CDH13: variants seen among roughly 807,000 people sequenced by gnomAD.
CDH13 encodes cadherin-13.
In CDH13, 24 loss-of-function variants were observed where a neutral mutation model predicts 63.8. The ratio of observed to expected loss-of-function variants is 0.38; its 90% CI spans 0.27 to 0.53. CDH13 has a LOEUF of 0.53. Among genes scored for constraint, CDH13 ranks in the 20% least tolerant of loss-of-function variants. The pLI, the probability that CDH13 is intolerant of heterozygous loss-of-function variation, is 0.85. For synonymous variants in CDH13, 503 were observed against 355.3 expected (o/e 1.42, Z -4.67); for missense variants, 1,049 against 903.1 (o/e 1.16, Z -2.07).
At chr16:82,736,640 C>T (rs952340511) in intron 1 of CDH13, among the ~76,000 whole-genome samples, 2 of 152,160 alleles carry the variant, frequency 1.3e-5, no homozygotes, top group Non-Finnish European at 2.9e-5. Context: ...TAGCTTAAAT[C>T]TGTTCAAGTC....
At chr16:82,833,940 G>A (rs998355176) in intron 1 of CDH13, among the ~76,000 whole-genome samples, 13 of 152,108 alleles carry the variant, frequency 8.5e-5, no homozygotes, top group African/African-American at 2.7e-4. Flanking sequence ...CCCCTTTCTC[G>A]AGAAATGTAT....
chr16:83,392,227 C>G (rs2091801838), intron 6 of CDH13, among the ~76,000 whole-genome samples: 1 of 152,228 alleles, frequency 6.6e-6, no homozygotes, highest in Non-Finnish European at 1.5e-5. Flanking sequence ...CCACAACCCC[C>G]AAACCTCAGT....
At chr16:82,819,460 T>C (rs1046851759) in intron 1 of CDH13, among the ~76,000 whole-genome samples, 5 of 152,158 alleles carry the variant, frequency 3.3e-5, no homozygotes, top group Admixed American at 6.6e-5. Context: ...GCTTCTAAGC[T>C]GCCTGTCCCA....
At chr16:82,774,738 G>C (rs536523809) in intron 1 of CDH13, among the ~76,000 whole-genome samples, 7 of 152,280 alleles carry the variant, frequency 4.6e-5, no homozygotes, top group African/African-American at 1.4e-4. Context: ...AGGCTCTGCT[G>C]CATTCATGAA....
chr16:83,383,362 A>G (rs570033574), intron 6 of CDH13, among the ~76,000 whole-genome samples: 3 of 152,242 alleles, frequency 2.0e-5, no homozygotes, highest in South Asian at 2.1e-4. Context: ...TTTCCCCTTT[A>G]TAATCAAATT....
intron 1 of CDH13, among the ~76,000 whole-genome samples, chr16:82,855,663 A>G (rs2039652707): frequency 6.6e-6 from 1 of 152,196 alleles, no homozygotes; most frequent in African/African-American, 2.4e-5. Context: ...TGCTCTCAAG[A>G]CAAGGGAATC....
intron 2 of CDH13, among the ~76,000 whole-genome samples, chr16:82,930,406 C>T (rs894816188): frequency 5.3e-5 from 8 of 152,068 alleles, no homozygotes; most frequent in African/African-American, 1.9e-4. Flanking sequence ...TTTCTAAGCA[C>T]TTTATATATG....
intron 5 of CDH13, among the ~76,000 whole-genome samples, chr16:83,329,372 C>T (rs1376780946): frequency 5.9e-5 from 9 of 151,444 alleles, no homozygotes; most frequent in African/African-American, 9.7e-5. Context: ...ACTGTAGGCA[C>T]GTGCCACCAC....
At chr16:83,208,050 C>A (rs1473512845) in intron 4 of CDH13, among the ~76,000 whole-genome samples, 1 of 152,122 alleles carries the variant, frequency 6.6e-6, no homozygotes, top group Non-Finnish European at 1.5e-5. Context: ...AACCTTAGCG[C>A]CTTCCCTGGG....
intron 5 of CDH13, among the ~76,000 whole-genome samples, chr16:83,321,738 C>G (rs950067794): frequency 1.3e-5 from 2 of 152,072 alleles, no homozygotes; most frequent in Non-Finnish European, 2.9e-5. Flanking sequence ...TCGTGTTAGC[C>G]AGGATGGTCT....
intron 2 of CDH13, among the ~76,000 whole-genome samples, chr16:82,862,171 C>T (rs1361706933): frequency 6.6e-6 from 1 of 152,106 alleles, no homozygotes; most frequent in Non-Finnish European, 1.5e-5. Flanking sequence ...CCAAACACGA[C>T]AATTGTGTGA....
At chr16:83,227,419 C>T (rs944064049) in intron 5 of CDH13, among the ~76,000 whole-genome samples, 2 of 152,092 alleles carry the variant, frequency 1.3e-5, no homozygotes, top group African/African-American at 4.8e-5. Flanking sequence ...CCAGGAAATA[C>T]CTGGGGAATA....
chr16:83,239,233 G>A (rs1378702676), intron 5 of CDH13, among the ~76,000 whole-genome samples: 1 of 152,168 alleles, frequency 6.6e-6, no homozygotes, highest in Admixed American at 6.5e-5. Context: ...TCACTGCAGA[G>A]GGAGAGCAGC....
At chr16:82,805,160 C>T (rs2037080480) in intron 1 of CDH13, among the ~76,000 whole-genome samples, 1 of 152,128 alleles carries the variant, frequency 6.6e-6, no homozygotes, top group South Asian at 2.1e-4. Context: ...ATGCTCAGCC[C>T]CCAGGTCCAT....
intron 1 of CDH13, among the ~76,000 whole-genome samples, chr16:82,654,500 G>T (rs1911078918): frequency 6.6e-6 from 1 of 152,324 alleles, no homozygotes; most frequent in East Asian, 1.9e-4. Context: ...GGCTGTGTGG[G>T]AGGTGGAATG....
At chr16:83,527,992 G>A (rs7186942) in intron 7 of CDH13, among the ~76,000 whole-genome samples, 6 of 152,240 alleles carry the variant, frequency 3.9e-5, no homozygotes, top group South Asian at 4.2e-4. Flanking sequence ...CTAAGGGCAC[G>A]CAGGGAGTTT....
At chr16:82,701,166 C>T (rs1321247693) in intron 1 of CDH13, among the ~76,000 whole-genome samples, 3 of 152,096 alleles carry the variant, frequency 2.0e-5, no homozygotes, top group Non-Finnish European at 2.9e-5. Flanking sequence ...TTCTCTTCCT[C>T]ACCTTCTACT....
intron 1 of CDH13, among the ~76,000 whole-genome samples, chr16:82,845,159 C>T (rs1008542988): frequency 6.6e-5 from 10 of 152,218 alleles, no homozygotes; most frequent in African/African-American, 2.4e-4. Context: ...ATTAAGGAAT[C>T]CTTGAGCTCA....
At chr16:82,739,010 G>C (rs953098278) in intron 1 of CDH13, among the ~76,000 whole-genome samples, 10 of 152,156 alleles carry the variant, frequency 6.6e-5, no homozygotes, top group African/African-American at 2.4e-4. Flanking sequence ...AAGAAGCAGT[G>C]AGCAAGATAC....
Sources: gnomAD v4.1 joint callset for allele counts (sites outside exome capture counted in the v4.1 genomes callset) on GRCh38, gnomAD v4.1.1 for gene constraint, MANE v1.5 for transcripts, NCBI Gene and HGNC (gene_info 2026-07-23, HGNC 2026-07-21) for gene names.